PAK1: variants seen among roughly 807,000 people sequenced by gnomAD.
PAK1 encodes serine/threonine-protein kinase PAK 1.
In PAK1, 29 loss-of-function variants were observed where a neutral mutation model predicts 67.4. The observed-to-expected ratio is 0.43, with a 90% CI of 0.32 to 0.59. PAK1 has a LOEUF of 0.59. PAK1 is among the 20% of genes least tolerant of loss of function. PAK1 has a pLI of 0.07. For synonymous variants in PAK1, 223 were observed against 237.4 expected, an observed-to-expected ratio of 0.94 and a Z score of 0.56; for missense variants, 337 against 670.7, an observed-to-expected ratio of 0.50 and a Z score of 5.50.
the PAK1 span, among the ~76,000 whole-genome samples, chr11:77,505,228 C>T: frequency 2.0e-5 from 3 of 151,762 alleles, no homozygotes; most frequent in African/African-American, 7.3e-5. Flanking sequence ...TGCTCTGTCC[C>T]CCAGGCTGGA....
At chr11:77,466,342 G>A (rs1451207652) in intron 1 of PAK1, among the ~76,000 whole-genome samples, 2 of 152,144 alleles carry the variant, frequency 1.3e-5, no homozygotes, top group Non-Finnish European at 1.5e-5. Context: ...GGTGGCTCAC[G>A]CCTGTAATCC....
chr11:77,397,362 G>A lies in PAK1; in HGVS notation c.-21-4821C>T, dbSNP rs1951968713. 2.0e-5 allele frequency among the ~76,000 whole-genome samples: 3 copies of A among 152,172 alleles called. No individual in the cohort carries two copies. The South Asian group carries it at 6.2e-4, about 31-fold the overall frequency. On this transcript the variant is annotated intron_variant, in intron 1 of 14. Transcript: ENST00000356341. ...TAGGGCAATATTTTAAAAGATTACT[G>A]GAATTAAAGTCAGGAGACCCAGGTT...
intron 1 of PAK1, among the ~76,000 whole-genome samples, chr11:77,410,408 A>G (rs1954325672): frequency 2.0e-5 from 3 of 152,168 alleles, no homozygotes; most frequent in African/African-American, 7.2e-5. Context: ...GTAAAGAGAG[A>G]GAATGGTCCT....
intron 11 of PAK1, among the ~76,000 whole-genome samples, chr11:77,338,940 G>C (rs1053164291): frequency 6.6e-6 from 1 of 152,214 alleles, no homozygotes; most frequent in Non-Finnish European, 1.5e-5. Flanking sequence ...AGGGGACATG[G>C]GGAGTGACTG....
At chr11:77,378,340 TCTG>T (rs989618104) in intron 4 of PAK1, among the ~76,000 whole-genome samples, 25 of 152,234 alleles carry the variant, frequency 1.6e-4, no homozygotes, top group African/African-American at 5.5e-4. Flanking sequence ...TAATCCCAAT[TCTG>T]CTATTAAAAA....
At chr11:77,432,670 A>G (rs967988659) in intron 1 of PAK1, among the ~76,000 whole-genome samples, 5 of 152,142 alleles carry the variant, frequency 3.3e-5, no homozygotes, top group African/African-American at 4.8e-5. Context: ...AAAAAGAGTA[A>G]AACTATCTAT....
chr11:77,431,403 A>G (rs991845339), intron 1 of PAK1, among the ~76,000 whole-genome samples: 3 of 152,148 alleles, frequency 2.0e-5, no homozygotes, highest in Non-Finnish European at 2.9e-5. Flanking sequence ...GAATGAACTG[A>G]CCTACCCAAT....
intron 2 of PAK1, among the ~76,000 whole-genome samples, chr11:77,381,603 T>C (rs1391281021): frequency 2.0e-5 from 3 of 152,224 alleles, no homozygotes; most frequent in South Asian, 2.1e-4. Context: ...GAACTTGCCA[T>C]GTATACAAAC....
chr11:77,409,099 TA>T (rs1240062417), intron 1 of PAK1, among the ~76,000 whole-genome samples: 122 of 139,250 alleles, frequency 8.8e-4, no homozygotes, highest in African/African-American at 7.0e-4. Flanking sequence ...ACCACACTTC[TA>T]AAAAAAAAAA....
At chr11:77,411,442 A>C (rs1389797758) in intron 1 of PAK1, among the ~76,000 whole-genome samples, 2 of 151,648 alleles carry the variant, frequency 1.3e-5, no homozygotes, top group East Asian at 3.9e-4. Context: ...CGACTAAGCC[A>C]AGGCAGAGGA....
chr11:77,410,316 CCCA>C (rs980288785), intron 1 of PAK1, among the ~76,000 whole-genome samples: 28 of 152,110 alleles, frequency 1.8e-4, no homozygotes, highest in Admixed American at 2.0e-4. Context: ...TGCTTGCTGC[CCCA>C]CCACCACCAG....
chr11:77,327,096 A>C (rs1336467284), intron 14 of PAK1, among the ~76,000 whole-genome samples: 3 of 152,204 alleles, frequency 2.0e-5, no homozygotes, highest in African/African-American at 7.2e-5. Context: ...AAAGAATAAA[A>C]AGAAACGAAC....
chr11:77,438,620 T>C (rs1251511660), intron 1 of PAK1, among the ~76,000 whole-genome samples: 4 of 152,164 alleles, frequency 2.6e-5, no homozygotes, highest in African/African-American at 9.7e-5. Flanking sequence ...ACAGGTCACA[T>C]GGCACTTAAA....
intron 1 of PAK1, among the ~76,000 whole-genome samples, chr11:77,437,320 T>C (rs479104): frequency 0.24 from 36,780 of 152,132 alleles, 5,060 homozygotes; most frequent in Non-Finnish European, 0.31. Flanking sequence ...ATTAATTCAC[T>C]TAACCTTACT....
chr11:77,379,206 T>A (rs774779298), intron 4 of PAK1, 35 bp downstream of exon 4: 2 of 1,546,590 alleles, frequency 1.3e-6, no homozygotes, highest in Non-Finnish European at 1.8e-6. Context: ...TAAAACCATC[T>A]CTTGCTGAGA....
chr11:77,459,118 TAG>T (rs1349711459), intron 1 of PAK1, among the ~76,000 whole-genome samples: 1 of 152,146 alleles, frequency 6.6e-6, no homozygotes. Context: ...TTTAGAGAGA[TAG>T]AGTAGGGTTA....
At chr11:77,510,528 G>C in the PAK1 span, among the ~76,000 whole-genome samples, 1 of 152,118 alleles carries the variant, frequency 6.6e-6, no homozygotes, top group South Asian at 2.1e-4. Flanking sequence ...TGTGTACACC[G>C]CACCTGGCCA....
chr11:77,485,062 A>G, the PAK1 span, among the ~76,000 whole-genome samples: 2 of 152,192 alleles, frequency 1.3e-5, no homozygotes, highest in African/African-American at 2.4e-5. Flanking sequence ...ACCTGCCCCC[A>G]TAATTCAATT....
chr11:77,376,398 CA>C (rs1442897087), intron 4 of PAK1, among the ~76,000 whole-genome samples: 12 of 152,144 alleles, frequency 7.9e-5, no homozygotes, highest in African/African-American at 2.9e-4. Flanking sequence ...GTTGAGTTGT[CA>C]ATCTAGTCTA....
Sources: gnomAD v4.1 joint callset for allele counts (sites outside exome capture counted in the v4.1 genomes callset) on GRCh38, gnomAD v4.1.1 for gene constraint, MANE v1.5 for transcripts, NCBI Gene and HGNC (gene_info 2026-07-23, HGNC 2026-07-21) for gene names.